AKAP13: variants seen among roughly 807,000 people sequenced by gnomAD.
AKAP13 encodes A-kinase anchor protein 13.
In AKAP13, 80 loss-of-function variants were observed where a neutral mutation model predicts 264.5. The observed-to-expected ratio is 0.30, with a 90% CI of 0.25 to 0.36. The LOEUF (loss-of-function observed/expected upper bound fraction) is 0.36. Among genes scored for constraint, AKAP13 ranks in the 10% least tolerant of loss-of-function variants. AKAP13 has a pLI of 1.00. For synonymous variants in AKAP13, 1,380 were observed against 1,250.2 expected (o/e 1.10, Z -2.19); for missense variants, 3,712 against 3,435.2 (o/e 1.08, Z -2.01).
At position 85,521,644 on chromosome 15, in the gene AKAP13, G is replaced by T. The variant is rs1596410504; in HGVS notation, c.181+69G>T. On this transcript the variant is annotated intron_variant, in intron 3 of 36. Transcript: ENST00000394518. ...AAACCCTTTTATTCGATGTTTATGA[G>T]TATAGAGTGACAGGAAGAGTGAAGT... The T allele has an allele frequency of 2.0e-6, 3 of 1,515,592 alleles. No homozygotes were observed. The African/African-American group carries it at 4.2e-5, about 21-fold the overall frequency. 93.9% of individuals were successfully genotyped at this position (1,515,592 alleles called of 1,614,324 possible).
chr15:85,718,919 A>G lies in AKAP13; in HGVS notation c.6002-157A>G. 9.0e-7 allele frequency: 1 copy of G among 1,107,914 alleles called. No homozygotes were observed. Among genetic ancestry groups the G allele is most frequent in the Non-Finnish European group, 1.3e-6 (1 of 796,888 alleles). The allele number at this position is 1,107,914 out of a possible 1,614,324, so 68.6% of individuals were successfully genotyped here. A position where few individuals can be genotyped will look rare whatever the true frequency, so the allele number is the denominator to read the frequency against. On this transcript the variant is annotated intron_variant, in intron 22 of 36. Coordinates refer to ENST00000394518, the MANE Select transcript of AKAP13 (RefSeq NM_007200.5). The surrounding 1 kb of genome is among the most constrained non-coding windows in gnomAD (Gnocchi z 4.9). Reference sequence around the variant, plus strand: ...GTCTTAAAAAAAAAACAAAAAAACAAAAAAACGAGAACACTTTTAGGGGAA... The same window carrying G: ...GTCTTAAAAAAAAAACAAAAAAACAGAAAAACGAGAACACTTTTAGGGGAA...
At chr15:85,448,376 C>T (rs757195009) in intron 1 of AKAP13, among the ~76,000 whole-genome samples, 3 of 152,118 alleles carry the variant, frequency 2.0e-5, no homozygotes, top group Non-Finnish European at 2.9e-5. Context: ...TAATTAGATC[C>T]CATTTATCAA....
chr15:85,445,997 A>G (rs981939597), intron 1 of AKAP13, among the ~76,000 whole-genome samples: 1 of 152,192 alleles, frequency 6.6e-6, no homozygotes, highest in Admixed American at 6.6e-5. Context: ...TTGTTTAAAA[A>G]TATACACTTT....
chr15:85,741,662 C>G (rs932262916), intron 35 of AKAP13, among the ~76,000 whole-genome samples, 167 bp downstream of exon 35: 6 of 147,032 alleles, frequency 4.1e-5, no homozygotes, highest in Non-Finnish European at 1.5e-5. Flanking sequence ...GGTAGCTTGA[C>G]CAGCCTGGGC....
intron 1 of AKAP13, among the ~76,000 whole-genome samples, chr15:85,477,642 A>C (rs867219427): frequency 6.8e-6 from 1 of 146,318 alleles, no homozygotes; most frequent in South Asian, 2.1e-4. Context: ...AAAAGGAAAA[A>C]AAAAAAAAAA....
intron 6 of AKAP13, among the ~76,000 whole-genome samples, 199 bp from the exon 7 acceptor site, chr15:85,578,731 G>C (rs2079097734): frequency 6.6e-6 from 1 of 152,074 alleles, no homozygotes; most frequent in Admixed American, 6.5e-5. Flanking sequence ...GAACATCCCA[G>C]TATATAGGCA....
intron 17 of AKAP13, among the ~76,000 whole-genome samples, chr15:85,697,530 C>T (rs1267990206): frequency 2.0e-5 from 3 of 152,146 alleles, no homozygotes; most frequent in African/African-American, 7.2e-5. Flanking sequence ...GGTCGCGCCA[C>T]TGCACTCCAG....
At chr15:85,592,345 T>C (rs1567144550) in intron 8 of AKAP13, among the ~76,000 whole-genome samples, 1 of 152,206 alleles carries the variant, frequency 6.6e-6, no homozygotes, top group Admixed American at 6.5e-5. Flanking sequence ...GACTTCATGC[T>C]CAGCTGCCGT....
At chr15:85,577,187 T>A (rs2079042865) in intron 6 of AKAP13, among the ~76,000 whole-genome samples, 1 of 152,168 alleles carries the variant, frequency 6.6e-6, no homozygotes, top group Non-Finnish European at 1.5e-5. Flanking sequence ...ATATAAACTT[T>A]TACAATAGGC....
At chr15:85,561,372 T>A (rs947742880) in intron 5 of AKAP13, among the ~76,000 whole-genome samples, 1 of 152,158 alleles carries the variant, frequency 6.6e-6, no homozygotes, top group African/African-American at 2.4e-5. Flanking sequence ...GACATAAGGA[T>A]TTTTAAAAGC....
In AKAP13 at chr15:85,743,713, G is replaced by A; in HGVS notation, c.8280G>A (p.Gln2760=). Residue 2760 remains glutamine (Q), a synonymous_variant, in exon 36 of 37, where the codon CAG becomes CAA. Coordinates refer to ENST00000394518, the MANE Select transcript of AKAP13 (RefSeq NM_007200.5). ...AGACAAACAAAGGACCAGAAGGGCAGAGCCAGGCCCCTGCGTCCACCTCTG... is the reference window on the plus strand; with the variant it reads ...AGACAAACAAAGGACCAGAAGGGCAAAGCCAGGCCCCTGCGTCCACCTCTG... ...TSQTNKGPEG[Q]SQAPASTSAS... is the part of the protein sequence containing the mutation. 6.2e-7 allele frequency: 1 copy of A among 1,614,160 alleles called. No individual in the cohort carries two copies.
chr15:85,547,206 T>C (rs1426917410), intron 5 of AKAP13, among the ~76,000 whole-genome samples: 2 of 152,246 alleles, frequency 1.3e-5, no homozygotes, highest in African/African-American at 4.8e-5. Flanking sequence ...CTAGTTGCAT[T>C]CTACACTTTA....
intron 14 of AKAP13, among the ~76,000 whole-genome samples, chr15:85,681,406 A>T (rs940733313): frequency 6.6e-6 from 1 of 152,156 alleles, no homozygotes; most frequent in Non-Finnish European, 1.5e-5. Context: ...GGTAGATAAA[A>T]ATAATAATAT....
At chr15:85,631,500 TCTCACACACACACACACACACACACA>T (rs1164847634) in intron 8 of AKAP13, among the ~76,000 whole-genome samples, 2 of 80,156 alleles carry the variant, frequency 2.5e-5, no homozygotes, top group African/African-American at 4.3e-5. Flanking sequence ...TCTCTCTCTC[TCTCACACACACACACACACACACACA>T]CACACACACA....
intron 8 of AKAP13, chr15:85,635,191 C>T (rs1230786742): frequency 5.0e-6 from 2 of 397,642 alleles, no homozygotes; most frequent in Non-Finnish European, 8.9e-6. Context: ...AGCAACAGTA[C>T]TGTGTTCTAG....
At chr15:85,585,093 T>C (rs1332254782) in intron 7 of AKAP13, among the ~76,000 whole-genome samples, 6 of 152,170 alleles carry the variant, frequency 3.9e-5, no homozygotes. Context: ...CGCAGAAACG[T>C]TTCTCTTAAG....
intron 14 of AKAP13, among the ~76,000 whole-genome samples, chr15:85,675,701 C>T (rs767238677): frequency 3.9e-5 from 6 of 152,076 alleles, no homozygotes; most frequent in Non-Finnish European, 5.9e-5. Flanking sequence ...GGTCAGAAGG[C>T]TGACTAAGGA....
Position 85,708,862 on chromosome 15 carries a change from G to T in AKAP13, c.5532+776G>T, listed in dbSNP as rs338533. 0.24 allele frequency among the ~76,000 whole-genome samples: 35,869 copies of T among 152,110 alleles called. 5,495 individuals carry two copies. The highest frequency in any genetic ancestry group is 0.42 in the African/African-American group (17,616 of 41,478). ...TGACCTCAACCTGGAATGTGCATCA[G>T]AATCAACTCGAGGGCTTATTGAAAG... is the stretch of plus-strand genomic sequence containing the variant. On this transcript the variant is annotated intron_variant, in intron 18 of 36. Coordinates refer to ENST00000394518, the MANE Select transcript of AKAP13 (RefSeq NM_007200.5). The surrounding 1 kb of genome is among the most constrained non-coding windows in gnomAD (Gnocchi z 4.3).
intron 4 of AKAP13, among the ~76,000 whole-genome samples, chr15:85,543,359 C>T (rs1016212833): frequency 8.5e-5 from 13 of 152,228 alleles, no homozygotes; most frequent in African/African-American, 2.9e-4. Context: ...TAAGTCCCAA[C>T]AGCTATTCCC....
Sources: allele counts gnomAD v4.1 joint callset (sites outside exome capture counted in the v4.1 genomes callset), GRCh38; gene constraint gnomAD v4.1.1; non-coding constraint Gnocchi (gnomAD v3.1); transcripts MANE v1.5; gene names NCBI Gene and HGNC (gene_info 2026-07-23, HGNC 2026-07-21).